RAB38: variants seen among roughly 807,000 people sequenced by gnomAD.
RAB38 encodes the protein RAB38, member RAS oncogene family, also known as ras-related protein Rab-38.
A neutral mutation model predicts 18.4 loss-of-function variants in RAB38; 15 were observed. The ratio of observed to expected loss-of-function variants is 0.82; its 90% CI spans 0.55 to 1.26. The LOEUF (loss-of-function observed/expected upper bound fraction) is 1.26, where lower values mean the gene tolerates loss of function less well. RAB38 is among the 50% of genes most tolerant of loss of function. The pLI is 0.00. For missense variants in RAB38, 294 were observed against 267.4 expected, an observed-to-expected ratio of 1.10 and a Z score of -0.69; for synonymous variants, 101 against 104.4, an observed-to-expected ratio of 0.97 and a Z score of 0.20.
chr11:87,970,563 G>A, the RAB38 span, among the ~76,000 whole-genome samples: 1 of 152,022 alleles, frequency 6.6e-6, no homozygotes, highest in Admixed American at 6.6e-5. Flanking sequence ...CTTAGCCAGA[G>A]CATAGACTTT....
At chr11:87,946,877 A>ATGAT in the RAB38 span, among the ~76,000 whole-genome samples, 17 of 152,324 alleles carry the variant, frequency 1.1e-4, no homozygotes, top group African/African-American at 3.6e-4. Context: ...TTATAGCAGC[A>ATGAT]TGATTTACAA....
At chr11:88,173,465 C>G (rs1943335346) in intron 1 of RAB38, 1 of 928,312 alleles carries the variant, frequency 1.1e-6, no homozygotes, top group African/African-American at 1.8e-5. Flanking sequence ...GGAGGCAGTT[C>G]AACTCTGGAA....
chr11:87,819,484 A>G, the RAB38 span, among the ~76,000 whole-genome samples: 1 of 152,110 alleles, frequency 6.6e-6, no homozygotes, highest in African/African-American at 2.4e-5. Context: ...CATTTGCTGA[A>G]AGGGCAACTG....
At chr11:87,921,933 C>T in the RAB38 span, among the ~76,000 whole-genome samples, 7 of 151,902 alleles carry the variant, frequency 4.6e-5, no homozygotes, top group Non-Finnish European at 1.0e-4. Context: ...TGTACTTGAG[C>T]AAAATCAGGA....
chr11:88,037,066 T>C, the RAB38 span, among the ~76,000 whole-genome samples: 1 of 152,074 alleles, frequency 6.6e-6, no homozygotes, highest in African/African-American at 2.4e-5. Flanking sequence ...CTTTGAAGAA[T>C]TGGTCAAATT....
the RAB38 span, among the ~76,000 whole-genome samples, chr11:87,850,526 A>C: frequency 2.9e-4 from 44 of 152,250 alleles, no homozygotes; most frequent in African/African-American, 9.4e-4. Context: ...TGATGGGTAC[A>C]CAAAACCCTT....
At chr11:88,145,024 G>A (rs1001716799) in intron 2 of RAB38, among the ~76,000 whole-genome samples, 61 of 152,142 alleles carry the variant, frequency 4.0e-4, no homozygotes, top group Middle Eastern at 3.2e-3. Context: ...TGTGCATCAC[G>A]GCTAGATCGG....
the RAB38 span, among the ~76,000 whole-genome samples, chr11:88,018,595 C>T: frequency 6.6e-6 from 1 of 152,150 alleles, no homozygotes; most frequent in Non-Finnish European, 1.5e-5. Context: ...AGCAAATTCT[C>T]AGTTCTCATA....
At chr11:87,940,821 C>T in the RAB38 span, among the ~76,000 whole-genome samples, 26 of 151,750 alleles carry the variant, frequency 1.7e-4, no homozygotes, top group Non-Finnish European at 3.4e-4. Context: ...TTAGTAGAGG[C>T]GAGATTTCAC....
At chr11:88,060,586 C>G in the RAB38 span, among the ~76,000 whole-genome samples, 23 of 152,148 alleles carry the variant, frequency 1.5e-4, no homozygotes, top group African/African-American at 5.1e-4. Context: ...TGAGTTGGGA[C>G]TGGAACCTAG....
chr11:88,073,381 AC>A, the RAB38 span, among the ~76,000 whole-genome samples: 1 of 151,872 alleles, frequency 6.6e-6, no homozygotes, highest in Admixed American at 6.6e-5. Flanking sequence ...CCCCTTTGGA[AC>A]CCCCCTCTTT....
At chr11:87,878,620 T>C in the RAB38 span, among the ~76,000 whole-genome samples, 2 of 151,658 alleles carry the variant, frequency 1.3e-5, no homozygotes, top group East Asian at 2.0e-4. Flanking sequence ...GCAATTTCCA[T>C]TGCTGACAGT....
the RAB38 span, among the ~76,000 whole-genome samples, chr11:87,848,587 C>T: frequency 1.3e-5 from 2 of 151,982 alleles, no homozygotes; most frequent in Non-Finnish European, 2.9e-5. Flanking sequence ...CAACAAAATC[C>T]AGCCAGTAAA....
chr11:87,931,675 T>C, the RAB38 span, among the ~76,000 whole-genome samples: 2 of 152,116 alleles, frequency 1.3e-5, no homozygotes, highest in African/African-American at 2.4e-5. Context: ...ATCAGTTCCT[T>C]CTGTTAGCTT....
chr11:87,901,384 C>G, the RAB38 span, among the ~76,000 whole-genome samples: 1 of 151,692 alleles, frequency 6.6e-6, no homozygotes, highest in South Asian at 2.1e-4. Context: ...TCACAGGACT[C>G]TCATTTTCTT....
chr11:87,911,503 T>C, the RAB38 span, among the ~76,000 whole-genome samples: 5 of 151,670 alleles, frequency 3.3e-5, no homozygotes, highest in Non-Finnish European at 7.4e-5. Flanking sequence ...GCCAGATTTA[T>C]ACATATTTTA....
At chr11:87,959,311 T>C in the RAB38 span, among the ~76,000 whole-genome samples, 1 of 152,188 alleles carries the variant, frequency 6.6e-6, no homozygotes, top group Admixed American at 6.6e-5. Context: ...ACCTACACAG[T>C]AAGCTAAGAC....
the RAB38 span, among the ~76,000 whole-genome samples, chr11:88,032,851 A>C: frequency 2.6e-5 from 4 of 152,236 alleles, no homozygotes; most frequent in Admixed American, 1.3e-4. Context: ...TAGAAATACC[A>C]TTTGACCCAG....
chr11:87,895,232 A>G, the RAB38 span, among the ~76,000 whole-genome samples: 1 of 120 alleles, frequency 8.3e-3, no homozygotes, highest in African/African-American at 0.013. Flanking sequence ...ATTCTTGCCC[A>G]TATCATTATG....
Sources: gnomAD v4.1 joint callset for allele counts (sites outside exome capture counted in the v4.1 genomes callset) on GRCh38, gnomAD v4.1.1 for gene constraint, MANE v1.5 for transcripts, NCBI Gene and HGNC (gene_info 2026-07-23, HGNC 2026-07-21) for gene names.